HS6ST3: variants seen among roughly 807,000 people sequenced by gnomAD.
HS6ST3 encodes the protein heparan sulfate 6-O-sulfotransferase 3, also known as heparan-sulfate 6-O-sulfotransferase 3.
A neutral mutation model predicts 36.7 loss-of-function variants in HS6ST3; 12 were observed. That is an observed-to-expected ratio of 0.33 (90% CI 0.21 to 0.53). HS6ST3 has a LOEUF of 0.53. Among genes scored for constraint, HS6ST3 ranks in the 20% least tolerant of loss-of-function variants. HS6ST3 has a pLI of 0.95. For synonymous variants in HS6ST3, 240 were observed against 257.5 expected, an observed-to-expected ratio of 0.93 and a Z score of 0.65; for missense variants, 584 against 640.9, an observed-to-expected ratio of 0.91 and a Z score of 0.96.
At chr13:96,580,455 A>T (rs1440510096) in intron 1 of HS6ST3, among the ~76,000 whole-genome samples, 1 of 151,734 alleles carries the variant, frequency 6.6e-6, no homozygotes, top group African/African-American at 2.4e-5. Context: ...CCCATTTAAA[A>T]TTTTTTATGC....
intron 1 of HS6ST3, among the ~76,000 whole-genome samples, chr13:96,821,488 T>C (rs1182143937): frequency 6.6e-6 from 1 of 152,246 alleles, no homozygotes; most frequent in Non-Finnish European, 1.5e-5. Flanking sequence ...CTAAAAGTAG[T>C]ACGTGACTCA....
chr13:96,475,304 G>A (rs962885585), intron 1 of HS6ST3, among the ~76,000 whole-genome samples: 11 of 152,162 alleles, frequency 7.2e-5, no homozygotes, highest in East Asian at 1.9e-4. Context: ...AGGACAGTCC[G>A]TGCTCCTGTA....
intron 1 of HS6ST3, among the ~76,000 whole-genome samples, chr13:96,696,389 A>C: frequency 6.6e-6 from 1 of 152,236 alleles, no homozygotes; most frequent in African/African-American, 2.4e-5. Flanking sequence ...CTGCTAAATT[A>C]GTATTGATTG....
At chr13:96,260,229 CCCTTCCTTCCTTCCTTCCTT>C (rs71681344) in intron 1 of HS6ST3, among the ~76,000 whole-genome samples, 2 of 143,398 alleles carry the variant, frequency 1.4e-5, no homozygotes, top group South Asian at 2.3e-4. Context: ...TTTATTTTTT[CCCTTCCTTCCTTCCTTCCTT>C]CCTTCCTTCC....
At chr13:96,715,403 TA>T (rs1246016140) in intron 1 of HS6ST3, among the ~76,000 whole-genome samples, 2 of 152,160 alleles carry the variant, frequency 1.3e-5, no homozygotes, top group Non-Finnish European at 2.9e-5. Context: ...AAAAGAGCTC[TA>T]AAAACTTTGT....
At chr13:96,101,244 C>T (rs2053816917) in intron 1 of HS6ST3, among the ~76,000 whole-genome samples, 1 of 152,016 alleles carries the variant, frequency 6.6e-6, no homozygotes, top group South Asian at 2.1e-4. Flanking sequence ...CTATAGTTTG[C>T]AAAAACATTT....
chr13:96,397,626 G>T (rs2055428813), intron 1 of HS6ST3, among the ~76,000 whole-genome samples: 1 of 152,114 alleles, frequency 6.6e-6, no homozygotes, highest in Admixed American at 6.5e-5. Context: ...AGAGAAGGTA[G>T]TAGGCTGATT....
intron 1 of HS6ST3, among the ~76,000 whole-genome samples, chr13:96,551,894 A>T (rs1393805592): frequency 6.6e-6 from 1 of 152,166 alleles, no homozygotes; most frequent in Admixed American, 6.5e-5. Flanking sequence ...TAATTTTAAG[A>T]CTTCATAAAT....
chr13:96,614,798 CT>C (rs1233923932), intron 1 of HS6ST3, among the ~76,000 whole-genome samples: 2 of 152,018 alleles, frequency 1.3e-5, no homozygotes, highest in Non-Finnish European at 2.9e-5. Flanking sequence ...TAATTTCTTT[CT>C]GTTAGAATTG....
chr13:96,654,972 A>G (rs2056619723), intron 1 of HS6ST3, among the ~76,000 whole-genome samples: 1 of 152,036 alleles, frequency 6.6e-6, no homozygotes, highest in South Asian at 2.1e-4. Flanking sequence ...GGCAGTGCCA[A>G]TTTTTCCCCT....
intron 1 of HS6ST3, among the ~76,000 whole-genome samples, chr13:96,209,191 T>C (rs895849071): frequency 1.3e-5 from 2 of 152,194 alleles, no homozygotes; most frequent in Non-Finnish European, 2.9e-5. Context: ...AATTCCTTGA[T>C]CTTACAAGGG....
intron 1 of HS6ST3, among the ~76,000 whole-genome samples, chr13:96,354,188 A>C (rs9516667): frequency 0.44 from 66,336 of 152,034 alleles, 15,555 homozygotes; most frequent in Non-Finnish European, 0.53. Context: ...GCATGTATTT[A>C]TTAAAGAGAG....
intron 1 of HS6ST3, among the ~76,000 whole-genome samples, chr13:96,232,087 G>A (rs888742317): frequency 6.6e-6 from 1 of 152,184 alleles, no homozygotes; most frequent in African/African-American, 2.4e-5. Context: ...CTGGAAAAGA[G>A]GTACAGCACA....
intron 1 of HS6ST3, among the ~76,000 whole-genome samples, chr13:96,620,328 C>T (rs1221036708): frequency 6.6e-6 from 1 of 152,004 alleles, no homozygotes; most frequent in Admixed American, 6.6e-5. Flanking sequence ...TACAAATGGA[C>T]TGTTAGAGCC....
At chr13:96,748,654 G>A (rs1876622526) in intron 1 of HS6ST3, among the ~76,000 whole-genome samples, 1 of 152,004 alleles carries the variant, frequency 6.6e-6, no homozygotes, top group African/African-American at 2.4e-5. Flanking sequence ...AAATGTTCAA[G>A]CTTCATTGAG....
rs369090951 is a variant in HS6ST3 at position 96,644,382 on chromosome 13, A to G, written c.708-188108A>G. Among the ~76,000 whole-genome samples, 22 of 152,172 alleles carry G rather than the reference A, an allele frequency of 1.4e-4. No homozygotes were observed. The South Asian group carries it at 3.1e-3, about 21-fold the overall frequency. On this transcript the variant is annotated intron_variant, in intron 1 of 1. Transcript: ENST00000376705. ...GTGTACTGAATCAAAACATATTCCT[A>G]TTCTCTTAAAGGTATATGAAGCCCC...
chr13:96,349,976 C>T (rs1436542427), intron 1 of HS6ST3, among the ~76,000 whole-genome samples: 5 of 152,010 alleles, frequency 3.3e-5, no homozygotes, highest in African/African-American at 1.2e-4. Context: ...TCTTTCATTA[C>T]TAAGTCATTG....
intron 1 of HS6ST3, among the ~76,000 whole-genome samples, chr13:96,447,553 C>T (rs1314912038): frequency 2.0e-5 from 3 of 152,188 alleles, no homozygotes; most frequent in Non-Finnish European, 2.9e-5. Flanking sequence ...CCAAACATGG[C>T]GATTCCTGCT....
intron 1 of HS6ST3, among the ~76,000 whole-genome samples, chr13:96,796,934 G>A (rs1157450071): frequency 1.3e-5 from 2 of 152,032 alleles, no homozygotes; most frequent in African/African-American, 4.8e-5. Context: ...ATGAGGGGGT[G>A]TCCTTATGAA....
Sources: allele counts gnomAD v4.1 joint callset (sites outside exome capture counted in the v4.1 genomes callset), GRCh38; gene constraint gnomAD v4.1.1; transcripts MANE v1.5; gene names NCBI Gene and HGNC (gene_info 2026-07-23, HGNC 2026-07-21).